The following PIK3R1 variants were observed in gnomAD, a reference collection of about 807,000 sequenced individuals.
PIK3R1 encodes phosphatidylinositol 3-kinase regulatory subunit alpha.
PIK3R1 carries 29 observed loss-of-function variants against 98.0 expected under a neutral mutation model. The observed-to-expected ratio is 0.30, with a 90% CI of 0.22 to 0.40. The LOEUF is 0.40. Among genes scored for constraint, PIK3R1 ranks in the 10% least tolerant of loss-of-function variants. The probability of loss-of-function intolerance (pLI) is 1.00; values close to 1 mark genes in which losing one functional copy is unlikely to be tolerated. For synonymous variants in PIK3R1, 282 were observed against 311.8 expected, an observed-to-expected ratio of 0.90 and a Z score of 1.01; for missense variants, 596 against 872.7, an observed-to-expected ratio of 0.68 and a Z score of 3.99.
intron 10 of PIK3R1, 37 bp from the exon 11 acceptor site, chr5:68,293,672 A>C: frequency 7.5e-7 from 1 of 1,328,574 alleles, no homozygotes; most frequent in Non-Finnish European, 1.1e-6. Flanking sequence ...TATTTGATTA[A>C]ATACCTTATC....
In PIK3R1 at chr5:68,273,453, T is replaced by A. The variant is rs1198012101; in HGVS notation, c.398T>A (p.Ile133Asn). The A allele has an allele frequency of 6.2e-6, 10 of 1,613,982 alleles. No individual in the cohort carries two copies. The Admixed American group carries it at 1.5e-4, about 24-fold the overall frequency. The change falls in exon 3 of 16, where the codon ATC becomes AAC. Residue 133 changes from isoleucine to asparagine, a missense_variant. Transcript: ENST00000521381. ...CCTGACATTGCCCCGCCTCTTCTTA[T>A]CAAGCTCGTGGAAGCCATTGAAAAG... ...APPDIAPPLL[I>N]KLVEAIEKKG...
chr5:68,230,461 G>C (rs1004531640), intron 2 of PIK3R1, among the ~76,000 whole-genome samples: 1 of 152,188 alleles, frequency 6.6e-6, no homozygotes, highest in Admixed American at 6.5e-5. Flanking sequence ...AATTGACCAC[G>C]TGCTCTGAAT....
chr5:68,293,871 G>A (rs1267775122), intron 11 of PIK3R1, 37 bp downstream of exon 11: 2 of 1,492,880 alleles, frequency 1.3e-6, no homozygotes, highest in South Asian at 1.3e-5. Context: ...AAAAATAAGA[G>A]TTCTAAACTT....
chr5:68,264,501 C>T (rs959993483), intron 2 of PIK3R1, among the ~76,000 whole-genome samples: 1 of 152,198 alleles, frequency 6.6e-6, no homozygotes, highest in African/African-American at 2.4e-5. Context: ...TCAGTTTTCT[C>T]ATCTGTAAAA....
At chr5:68,294,913 A>G (rs1011477032) in intron 12 of PIK3R1, among the ~76,000 whole-genome samples, 2 of 151,990 alleles carry the variant, frequency 1.3e-5, no homozygotes, top group South Asian at 2.1e-4. Context: ...ATACATATGT[A>G]ACTAACCTGC....
At chr5:68,277,932 G>A (rs1469021540) in intron 4 of PIK3R1, among the ~76,000 whole-genome samples, 1 of 152,072 alleles carries the variant, frequency 6.6e-6, no homozygotes, top group Non-Finnish European at 1.5e-5. Flanking sequence ...TTGCCCATCA[G>A]CCCACCTTTG....
chr5:68,285,617 A>G (rs1013962331), intron 7 of PIK3R1, among the ~76,000 whole-genome samples: 1 of 152,180 alleles, frequency 6.6e-6, no homozygotes, highest in Non-Finnish European at 1.5e-5. Context: ...TAGGAGGGGT[A>G]TATAGTCAGT....
At chr5:68,228,264 A>G (rs1389074084) in intron 2 of PIK3R1, among the ~76,000 whole-genome samples, 1 of 152,244 alleles carries the variant, frequency 6.6e-6, no homozygotes, top group Non-Finnish European at 1.5e-5. Context: ...CAATGAGAAC[A>G]GAGAAACAGA....
chr5:68,262,403 T>TATATATATATAC (rs33968242), intron 2 of PIK3R1, among the ~76,000 whole-genome samples: 16 of 140,612 alleles, frequency 1.1e-4, no homozygotes, highest in South Asian at 6.7e-4. Context: ...TATATATATA[T>TATATATATATAC]ACACACACGC....
Position 68,295,275 on chromosome 5 carries a change from A to G in PIK3R1, c.1696A>G (p.Ile566Val). 6.2e-7 allele frequency: 1 copy of G among 1,614,234 alleles called. No homozygotes were observed. Among genetic ancestry groups the G allele is most frequent in the South Asian group, 1.1e-5 (1 of 91,086 alleles). ...AGAAATTGACAAACGTATGAACAGC[A>G]TTAAACCAGACCTTATCCAGCTGAG... is the stretch of plus-strand genomic sequence containing the variant. ...YREIDKRMNS[I>V]KPDLIQLRKT... The change falls in exon 13 of 16, where the codon ATT (isoleucine) becomes GTT (valine). Residue 566 changes from isoleucine to valine, a missense_variant. Transcript: ENST00000521381.
chr5:68,273,487 C>A lies in PIK3R1; in HGVS notation c.427+5C>A, dbSNP rs375394677. On this transcript the variant is annotated splice_donor_5th_base_variant and intron_variant, in intron 3 of 15. Transcript: ENST00000521381. The stretch of plus-strand genomic sequence containing the variant: ...TGGAAGCCATTGAAAAGAAAGGTAA[C>A]CAGACTGCTAGAGGGCATCAGTTCC... 904 of 1,609,956 alleles carry A rather than the reference C, an allele frequency of 5.6e-4. No individual in the cohort carries two copies. The highest frequency in any genetic ancestry group is 2.9e-3 in the Admixed American group (171 of 59,974).
At chr5:68,263,904 A>G (rs1227578864) in intron 2 of PIK3R1, among the ~76,000 whole-genome samples, 1 of 152,092 alleles carries the variant, frequency 6.6e-6, no homozygotes. Context: ...CTCCCTTCAT[A>G]TATTTGTTAA....
chr5:68,288,576 C>A lies in PIK3R1; in HGVS notation c.917-3683C>A, dbSNP rs1747196335. ...ACGCCCGGAGGGTCCTGGCGGCGCC[C>A]CCGCTCCTGCGCGCACTCTCGGCGC... is the stretch of plus-strand genomic sequence containing the variant. On this transcript the variant is annotated intron_variant, in intron 7 of 15. Coordinates refer to ENST00000521381, the MANE Select transcript of PIK3R1 (RefSeq NM_181523.3). The A allele has an allele frequency of 1.4e-5, 21 of 1,522,168 alleles. No individual in the cohort carries two copies. In the South Asian group the frequency reaches 2.6e-4, roughly 19 times the overall value. The allele number at this position is 1,522,168 out of a possible 1,614,324, so 94.3% of individuals were successfully genotyped here.
chr5:68,288,613 A>G, intron 7 of PIK3R1: 4 of 1,567,458 alleles, frequency 2.6e-6, no homozygotes, highest in Non-Finnish European at 3.4e-6. Flanking sequence ...GGACACGAGC[A>G]CTGCCTGCCG....
chr5:68,237,556 G>A (rs1268617023), intron 2 of PIK3R1, among the ~76,000 whole-genome samples: 3 of 147,650 alleles, frequency 2.0e-5, no homozygotes, highest in African/African-American at 5.0e-5. Context: ...TCTCGAATGC[G>A]AAGTTGAGAA....
In PIK3R1 at chr5:68,299,254, C is replaced by G. The variant is rs1471510108; in HGVS notation, c.*1653C>G. 4.3e-6 allele frequency: 1 copy of G among 233,264 alleles called. No individual in the cohort carries two copies. Among genetic ancestry groups the G allele is most frequent in the Non-Finnish European group, 8.5e-6 (1 of 117,952 alleles). 14.4% of individuals were successfully genotyped at this position (233,264 alleles called of 1,614,324 possible). ...AAAAAAAAGCATGATCTGAAAAATA[C>G]TTTTGGTGGTATGTTGGTTACCCTC... On this transcript the variant is annotated 3_prime_UTR_variant, in exon 16 of 16. Coordinates refer to ENST00000521381, the MANE Select transcript of PIK3R1 (RefSeq NM_181523.3).
At chr5:68,297,023 T>C (rs1327478225) in intron 15 of PIK3R1, among the ~76,000 whole-genome samples, 1 of 152,166 alleles carries the variant, frequency 6.6e-6, no homozygotes, top group Non-Finnish European at 1.5e-5. Flanking sequence ...TGAATAGTCA[T>C]AATGGGAGTA....
chr5:68,232,230 A>G (rs1292568941), intron 2 of PIK3R1, among the ~76,000 whole-genome samples: 1 of 152,206 alleles, frequency 6.6e-6, no homozygotes, highest in Non-Finnish European at 1.5e-5. Flanking sequence ...TCTCATGAGC[A>G]TTTATATTCT....
intron 2 of PIK3R1, among the ~76,000 whole-genome samples, chr5:68,236,151 G>A (rs1484649304): frequency 2.0e-5 from 3 of 150,898 alleles, no homozygotes; most frequent in East Asian, 4.0e-4. Flanking sequence ...GATTACCAGC[G>A]CGAGCCACCA....
Sources: allele counts gnomAD v4.1 joint callset (sites outside exome capture counted in the v4.1 genomes callset), GRCh38; gene constraint gnomAD v4.1.1; transcripts MANE v1.5; gene names NCBI Gene and HGNC (gene_info 2026-07-23, HGNC 2026-07-21).